MSN: variants seen among roughly 807,000 people sequenced by gnomAD.
MSN encodes the protein moesin.
Under a neutral mutation model 48.0 loss-of-function variants are expected in MSN, and 2 were observed. That is an observed-to-expected ratio of 0.04 (90% CI 0.02 to 0.13). MSN has a LOEUF of 0.13. Among genes scored for constraint, MSN ranks in the 10% least tolerant of loss-of-function variants. The pLI, the probability that MSN is intolerant of heterozygous loss-of-function variation, is 1.00. For synonymous variants in MSN, 146 were observed against 166.9 expected (o/e 0.87, Z 0.97); for missense variants, 267 against 470.1 (o/e 0.57, Z 3.99).
chrX:65,640,501 G>A (rs1483798371), intron 1 of MSN, among the ~76,000 whole-genome samples: 4 of 112,235 alleles, frequency 3.6e-5, no homozygotes, highest in Non-Finnish European at 7.5e-5. Context: ...CCGAGGTAGT[G>A]CCATTGCACT....
At chrX:65,739,231 G>A in intron 12 of MSN, 37 bp downstream of exon 12, 1 of 1,134,214 alleles carries the variant, frequency 8.8e-7, no homozygotes, top group Non-Finnish European at 1.2e-6. Flanking sequence ...GAAACTATAT[G>A]CATTGATTTA....
At chrX:65,728,113 A>G (rs1423082699) in intron 3 of MSN, among the ~76,000 whole-genome samples, 12 of 111,580 alleles carry the variant, frequency 1.1e-4, no homozygotes, top group African/African-American at 3.9e-4. Context: ...GACTTCTAAC[A>G]GCGACAATGG....
At chrX:65,721,725 T>C (rs2071518418) in intron 2 of MSN, among the ~76,000 whole-genome samples, 2 of 111,686 alleles carry the variant, frequency 1.8e-5, no homozygotes, top group African/African-American at 6.5e-5. Flanking sequence ...TTTCCAGTTT[T>C]TCTAATGCTT....
chrX:65,733,778 C>T (rs997025351), intron 7 of MSN, among the ~76,000 whole-genome samples: 5 of 111,489 alleles, frequency 4.5e-5, no homozygotes, highest in East Asian at 5.6e-4. Context: ...CTCAGCCTCC[C>T]GAGTAGCTGG....
rs756447317 is a variant in MSN, at chrX:65,735,658, T to C, written c.959+228T>C. Among the ~76,000 whole-genome samples the C allele has an allele frequency of 2.7e-5, 3 of 112,322 alleles. No homozygotes were observed. In the South Asian group the frequency reaches 1.1e-3, roughly 41 times the overall value. On this transcript the variant is annotated intron_variant, in intron 8 of 12. Transcript: ENST00000360270. ...CTGTAGGACCTCACAGTCTACTCAG[T>C]CTAGTAGCAGAGAGAGGGAAAACAA...
intron 1 of MSN, among the ~76,000 whole-genome samples, chrX:65,618,851 G>T (rs888269040): frequency 1.8e-5 from 2 of 111,476 alleles, no homozygotes; most frequent in African/African-American, 3.3e-5. Flanking sequence ...GGTACCGGTT[G>T]TTCCTTTCCA....
chrX:65,647,114 C>T (rs1383277546), intron 1 of MSN, among the ~76,000 whole-genome samples: 1 of 111,180 alleles, frequency 9.0e-6, no homozygotes, highest in African/African-American at 3.3e-5. Context: ...CTTGGGGAGA[C>T]AGACATTAAT....
chrX:65,629,856 C>T (rs979181397), intron 1 of MSN, among the ~76,000 whole-genome samples: 53 of 111,701 alleles, frequency 4.7e-4, no homozygotes, highest in African/African-American at 1.7e-3. Context: ...CACAGCCAAA[C>T]CATATCACCA....
chrX:65,692,281 C>T (rs188204706), intron 1 of MSN, among the ~76,000 whole-genome samples: 5 of 112,430 alleles, frequency 4.4e-5, no homozygotes, highest in Non-Finnish European at 9.4e-5. Flanking sequence ...CCTGGGGCCT[C>T]CTATTGTGGG....
chrX:65,615,451 G>C (rs2070361119), intron 1 of MSN, among the ~76,000 whole-genome samples: 1 of 110,408 alleles, frequency 9.1e-6, no homozygotes, highest in East Asian at 2.8e-4. Context: ...TTCTCTGATG[G>C]CCAGTGATGG....
intron 1 of MSN, among the ~76,000 whole-genome samples, chrX:65,673,097 C>T (rs1021594713): frequency 1.8e-5 from 2 of 111,066 alleles, no homozygotes; most frequent in Admixed American, 1.9e-4. Flanking sequence ...CTTCCCGAGT[C>T]ATGGGAGAGA....
At chrX:65,659,152 T>G (rs191911723) in intron 1 of MSN, among the ~76,000 whole-genome samples, 2 of 108,631 alleles carry the variant, frequency 1.8e-5, no homozygotes, top group African/African-American at 6.7e-5. Context: ...CTACCTTTTT[T>G]CTTTTTTCTT....
At chrX:65,632,599 T>C (rs2148366083) in intron 1 of MSN, among the ~76,000 whole-genome samples, 1 of 112,284 alleles carries the variant, frequency 8.9e-6, no homozygotes, top group South Asian at 3.7e-4. Context: ...TTCAGTTCCT[T>C]AAATTTCTTC....
chrX:65,602,352 C>T (rs1286187052), intron 1 of MSN, among the ~76,000 whole-genome samples: 1 of 111,850 alleles, frequency 8.9e-6, no homozygotes, highest in Non-Finnish European at 1.9e-5. Context: ...GGCTGCTGCT[C>T]CAGTTCAGGA....
At chrX:65,663,030 G>A (rs2070836211), upstream of MSN, among the ~76,000 whole-genome samples, 1 of 112,109 alleles carries the variant, frequency 8.9e-6, no homozygotes, top group Non-Finnish European at 1.9e-5. Context: ...GGCTGAGGCA[G>A]GTGGATCACC....
chrX:65,684,595 C>T (rs1351168154), intron 1 of MSN, among the ~76,000 whole-genome samples: 3 of 110,564 alleles, frequency 2.7e-5, no homozygotes, highest in Non-Finnish European at 5.7e-5. Context: ...CATGCCACCA[C>T]GCCAGACTAA....
chrX:65,678,778 T>C (rs1249375728), intron 1 of MSN, among the ~76,000 whole-genome samples: 1 of 111,846 alleles, frequency 8.9e-6, no homozygotes, highest in Non-Finnish European at 1.9e-5. Flanking sequence ...GTGAGATATT[T>C]GGTTTTTAAT....
At chrX:65,724,211 C>T (rs1430008792) in intron 2 of MSN, among the ~76,000 whole-genome samples, 1 of 108,086 alleles carries the variant, frequency 9.3e-6, no homozygotes, top group African/African-American at 3.4e-5. Context: ...ATGGCGCGAT[C>T]TCGGCTCACT....
At chrX:65,601,636 G>C (rs1353998964) in intron 1 of MSN, among the ~76,000 whole-genome samples, 2 of 112,211 alleles carry the variant, frequency 1.8e-5, no homozygotes, top group Non-Finnish European at 3.8e-5. Flanking sequence ...TCTAACCCTG[G>C]TGGGGAAGGG....
Sources: allele counts gnomAD v4.1 joint callset (sites outside exome capture counted in the v4.1 genomes callset), GRCh38; gene constraint gnomAD v4.1.1; transcripts MANE v1.5; gene names NCBI Gene and HGNC (gene_info 2026-07-23, HGNC 2026-07-21).